Variants in ADRA1A observed in about 807,000 individuals in gnomAD.
ADRA1A encodes adrenoceptor alpha 1A, also known as alpha-1A adrenergic receptor.
Under a neutral mutation model 29.6 loss-of-function variants are expected in ADRA1A, and 31 were observed. That is an observed-to-expected ratio of 1.05 (90% CI 0.79 to 1.41). The LOEUF (loss-of-function observed/expected upper bound fraction) is 1.41. Among genes scored for constraint, ADRA1A ranks in the 40% most tolerant of loss-of-function variants. ADRA1A has a pLI of 0.00. For missense variants in ADRA1A, 619 were observed against 601.1 expected (o/e 1.03, Z -0.31); for synonymous variants, 311 against 254.3 (o/e 1.22, Z -2.12).
At position 26,831,858 on chromosome 8, in the gene ADRA1A, G is replaced by A. The variant is rs62492239; in HGVS notation, c.883+32229C>T. On this transcript the variant is annotated intron_variant, in intron 2 of 2. Transcript: ENST00000380573. This position sits in a 1 kb window ranked among gnomAD's most constrained non-coding sequence, Gnocchi z 5.2. ...GGCTGTCAGCAGCCACCGCCCCTGC[G>A]CTGTGGGCTCCCTGCCCTGTGGAGT... 0.024 allele frequency among the ~76,000 whole-genome samples: 3,724 copies of A among 152,300 alleles called. 78 individuals carry two copies. Among genetic ancestry groups the A allele is most frequent in the Non-Finnish European group, 0.032 (2,162 of 68,022 alleles).
chr8:26,861,868 G>A (rs777229463), intron 2 of ADRA1A, among the ~76,000 whole-genome samples: 8 of 152,086 alleles, frequency 5.3e-5, no homozygotes, highest in Non-Finnish European at 1.2e-4. Flanking sequence ...TGTCTCACCT[G>A]AGTCCAAGAT....
In ADRA1A at chr8:26,848,053, G is replaced by C. The variant is rs1407694222; in HGVS notation, c.883+16034C>G. ...CTACAGATGAGGACACCAGAGTGCA[G>C]AGCAAAGGGCAGGACCACGTGTGAT... On this transcript the variant is annotated intron_variant, in intron 2 of 2. Transcript: ENST00000380573. The surrounding 1 kb of genome is among the most constrained non-coding windows in gnomAD (Gnocchi z 4.3). Among the ~76,000 whole-genome samples, 1 of 152,226 alleles carries C rather than the reference G, an allele frequency of 6.6e-6. No individual in the cohort carries two copies. The highest frequency in any genetic ancestry group is 1.5e-5 in the Non-Finnish European group (1 of 68,032).
chr8:26,798,869 T>C (rs935478905), intron 2 of ADRA1A, among the ~76,000 whole-genome samples: 16 of 152,234 alleles, frequency 1.1e-4, no homozygotes, highest in Non-Finnish European at 2.2e-4. Flanking sequence ...TCCTCTATAG[T>C]ATTACCAACA....
At chr8:26,780,416 C>T (rs1417657569) in intron 2 of ADRA1A, among the ~76,000 whole-genome samples, 1 of 152,188 alleles carries the variant, frequency 6.6e-6, no homozygotes, top group East Asian at 1.9e-4. Flanking sequence ...GTGACCTCAG[C>T]TCCTGTGGCT....
intron 2 of ADRA1A, among the ~76,000 whole-genome samples, chr8:26,834,504 C>T (rs1366091401): frequency 6.6e-6 from 1 of 152,218 alleles, no homozygotes; most frequent in Non-Finnish European, 1.5e-5. Context: ...ATCAGGACAT[C>T]TGCTGATTAT....
downstream of ADRA1A, among the ~76,000 whole-genome samples, chr8:26,768,554 C>T (rs1805918672): frequency 6.6e-6 from 1 of 152,180 alleles, no homozygotes; most frequent in South Asian, 2.1e-4. Flanking sequence ...CATGACGCCA[C>T]AGGTGGGGAA....
At chr8:26,753,056 G>A (rs1284077396), downstream of ADRA1A, among the ~76,000 whole-genome samples, 1 of 152,168 alleles carries the variant, frequency 6.6e-6, no homozygotes, top group Non-Finnish European at 1.5e-5. Flanking sequence ...CAGAGTTCAT[G>A]TCCCCAAGGA....
chr8:26,816,242 T>C (rs1357453055), intron 2 of ADRA1A, among the ~76,000 whole-genome samples: 1 of 152,190 alleles, frequency 6.6e-6, no homozygotes, highest in Non-Finnish European at 1.5e-5. Context: ...CTTCAAGGAA[T>C]TGGAGAAAAT....
intron 2 of ADRA1A, among the ~76,000 whole-genome samples, chr8:26,804,016 G>A (rs980478138): frequency 4.2e-5 from 6 of 143,692 alleles, no homozygotes; most frequent in Non-Finnish European, 7.4e-5. Context: ...TGAATTCCTG[G>A]GCTCAAGAGA....
chr8:26,864,410 A>G lies in ADRA1A; in HGVS notation c.560T>C (p.Phe187Ser). 1 of 1,613,610 alleles carries G rather than the reference A, an allele frequency of 6.2e-7. No individual in the cohort carries two copies. The highest frequency in any genetic ancestry group is 1.6e-4 in the Middle Eastern group (1 of 6,062). ...CAGGTAGAAGGAGCCCAGCGCTGAG[A>G]AGAGCACGTAGCCCGGCTCCTCGTT... ...QINEEPGYVL[F>S]SALGSFYLPL... Residue 187 changes from phenylalanine to serine, a missense_variant, in exon 2 of 3, where the codon TTC becomes TCC. By Grantham distance (155) the Phe-to-Ser change is radical (BLOSUM62 -2). Coordinates refer to ENST00000380573, the MANE Select transcript of ADRA1A (RefSeq NM_000680.4). This position sits in a 1 kb window ranked among gnomAD's most constrained non-coding sequence, Gnocchi z 8.1.
rs780926887 is a variant in ADRA1A at position 26,850,045 on chromosome 8, C to CA, written c.883+14041dup. Among the ~76,000 whole-genome samples, 540 of 123,390 alleles carry CA rather than the reference C, an allele frequency of 4.4e-3. 5 individuals carry two copies. Among genetic ancestry groups the CA allele is most frequent in the African/African-American group, 0.013 (435 of 34,348 alleles). The allele number at this position is 123,390 out of a possible 152,430, so 80.9% of individuals were successfully genotyped here. On this transcript the variant is annotated intron_variant, in intron 2 of 2. Coordinates refer to ENST00000380573, the MANE Select transcript of ADRA1A (RefSeq NM_000680.4). The stretch of plus-strand genomic sequence containing the variant: ...AAATGCAAAAACAAAAAACAAAAAA[C>CA]AAAAAAAAAACAGGGCAGGTATAGG...
At chr8:26,768,493 G>A (rs1189770053), downstream of ADRA1A, among the ~76,000 whole-genome samples, 2 of 152,078 alleles carry the variant, frequency 1.3e-5, no homozygotes, top group African/African-American at 4.8e-5. Context: ...GCCCTAATCC[G>A]AAAATCTGAA....
chr8:26,817,945 C>A (rs570177659), intron 2 of ADRA1A, among the ~76,000 whole-genome samples: 1 of 152,294 alleles, frequency 6.6e-6, no homozygotes. Flanking sequence ...AGACATACAT[C>A]CTTCAGCTGG....
downstream of ADRA1A, chr8:26,756,387 A>G (rs1002182728): frequency 4.7e-6 from 6 of 1,266,634 alleles, no homozygotes; most frequent in Middle Eastern, 3.3e-4. Flanking sequence ...GGGGTGCCTT[A>G]TGGAATTCCT....
intron 2 of ADRA1A, chr8:26,779,142 G>T (rs1312550876): frequency 5.1e-6 from 3 of 590,940 alleles, no homozygotes; most frequent in Non-Finnish European, 9.0e-6. Context: ...GAGCACAGAT[G>T]ATATGCTTTC....
At chr8:26,792,073 A>G (rs896742854) in intron 2 of ADRA1A, among the ~76,000 whole-genome samples, 5 of 152,112 alleles carry the variant, frequency 3.3e-5, no homozygotes, top group Admixed American at 6.6e-5. Flanking sequence ...AATACAATAC[A>G]TGCTTGCTGG....
At chr8:26,819,237 CTT>C (rs1809982359) in intron 2 of ADRA1A, among the ~76,000 whole-genome samples, 2 of 152,120 alleles carry the variant, frequency 1.3e-5, no homozygotes, top group Non-Finnish European at 2.9e-5. Context: ...GAGAGAAAGA[CTT>C]TCCCAGAGAA....
At chr8:26,788,246 T>G (rs574587664) in intron 2 of ADRA1A, among the ~76,000 whole-genome samples, 1 of 152,218 alleles carries the variant, frequency 6.6e-6, no homozygotes, top group East Asian at 1.9e-4. Context: ...ATCAGGTAAA[T>G]AATAGGTGTG....
At chr8:26,754,163 C>T (rs1805047601), downstream of ADRA1A, among the ~76,000 whole-genome samples, 1 of 152,200 alleles carries the variant, frequency 6.6e-6, no homozygotes, top group South Asian at 2.1e-4. Flanking sequence ...TCCAAGGATA[C>T]TGAGTCCATT....
Sources: gnomAD v4.1 joint callset for allele counts (sites outside exome capture counted in the v4.1 genomes callset) on GRCh38, gnomAD v4.1.1 for gene constraint, Gnocchi (gnomAD v3.1) non-coding constraint, MANE v1.5 for transcripts, NCBI Gene and HGNC (gene_info 2026-07-23, HGNC 2026-07-21) for gene names.